OTUD7A: variants seen among roughly 807,000 people sequenced by gnomAD.
OTUD7A encodes the protein OTU domain-containing protein 7A.
Under a neutral mutation model 65.7 loss-of-function variants are expected in OTUD7A, and 12 were observed. The observed-to-expected ratio is 0.18, with a 90% CI of 0.12 to 0.30. The LOEUF is 0.30. Ranked by LOEUF, OTUD7A falls within the 10% of genes least tolerant of loss-of-function variation. The pLI, the probability that OTUD7A is intolerant of heterozygous loss-of-function variation, is 1.00. For synonymous variants in OTUD7A, 641 were observed against 586.3 expected (o/e 1.09, Z -1.35); for missense variants, 1,148 against 1,304.8 (o/e 0.88, Z 1.85).
chr15:31,791,632 G>T (rs1895818781), intron 1 of OTUD7A, among the ~76,000 whole-genome samples: 1 of 152,174 alleles, frequency 6.6e-6, no homozygotes, highest in Non-Finnish European at 1.5e-5. Flanking sequence ...TTTCTATTCA[G>T]CTTTGTGCTG....
intron 1 of OTUD7A, among the ~76,000 whole-genome samples, chr15:31,827,942 A>G (rs1325793559): frequency 1.3e-5 from 2 of 152,104 alleles, no homozygotes; most frequent in Non-Finnish European, 2.9e-5. Flanking sequence ...CTCAAAAAAA[A>G]AACCACATAA....
At chr15:31,835,315 G>T (rs1031229996) in intron 1 of OTUD7A, among the ~76,000 whole-genome samples, 1 of 152,180 alleles carries the variant, frequency 6.6e-6, no homozygotes, top group Non-Finnish European at 1.5e-5. Context: ...TCAAGCATAT[G>T]TTAAACCATT....
chr15:31,798,814 G>C lies in OTUD7A; in HGVS notation c.-100+71693C>G, dbSNP rs116194157. On this transcript the variant is annotated intron_variant, in intron 1 of 12. Transcript: ENST00000307050. Reference sequence around the variant, plus strand: ...GAAGCCAGGGGGAGGCTCAGCTTGGGGGGGGGCTCCTGTCATGGCTGAGGA... The same window carrying C: ...GAAGCCAGGGGGAGGCTCAGCTTGGCGGGGGGCTCCTGTCATGGCTGAGGA... 3.8e-3 allele frequency among the ~76,000 whole-genome samples: 576 copies of C among 152,368 alleles called. 1 individual carries two copies. The highest frequency in any genetic ancestry group is 0.013 in the African/African-American group (525 of 41,584).
At chr15:31,691,617 CTAAAAT>C (rs1395353662) in intron 1 of OTUD7A, among the ~76,000 whole-genome samples, 9 of 143,576 alleles carry the variant, frequency 6.3e-5, no homozygotes, top group Admixed American at 1.4e-4. Context: ...AATATAAGAC[CTAAAAT>C]TATGGAACTA....
At chr15:31,788,114 A>G (rs763224373) in intron 1 of OTUD7A, among the ~76,000 whole-genome samples, 6 of 152,190 alleles carry the variant, frequency 3.9e-5, no homozygotes, top group Admixed American at 6.5e-5. Flanking sequence ...ATTTCTAGGT[A>G]AATTATATTG....
At chr15:31,584,548 G>A (rs998736453) in intron 3 of OTUD7A, among the ~76,000 whole-genome samples, 4 of 152,178 alleles carry the variant, frequency 2.6e-5, no homozygotes, top group Admixed American at 2.0e-4. Context: ...GGATGCCTAC[G>A]TCACCTTAAA....
intron 4 of OTUD7A, among the ~76,000 whole-genome samples, chr15:31,563,712 G>T (rs1359742275): frequency 1.3e-5 from 2 of 152,246 alleles, no homozygotes; most frequent in Admixed American, 6.5e-5. Flanking sequence ...GAGCTTGGCG[G>T]TTACACCAGA....
At chr15:31,817,505 A>G (rs530689764) in intron 1 of OTUD7A, among the ~76,000 whole-genome samples, 1 of 152,332 alleles carries the variant, frequency 6.6e-6, no homozygotes, top group East Asian at 1.9e-4. Flanking sequence ...ATTCTATAGA[A>G]TAAGTATCTC....
chr15:31,689,160 G>T (rs1892908141), intron 1 of OTUD7A, among the ~76,000 whole-genome samples: 1 of 138,772 alleles, frequency 7.2e-6, no homozygotes, highest in South Asian at 2.7e-4. Flanking sequence ...AAAGAATAAT[G>T]CCTATTATTC....
At chr15:31,677,474 T>C (rs1892619371) in intron 1 of OTUD7A, among the ~76,000 whole-genome samples, 1 of 152,114 alleles carries the variant, frequency 6.6e-6, no homozygotes, top group African/African-American at 2.4e-5. Context: ...ATAATCCCCA[T>C]GTGTCAAGGG....
chr15:31,527,390 C>G (rs1566904418), intron 6 of OTUD7A, 82 bp from the exon 7 acceptor site: 1 of 1,527,356 alleles, frequency 6.5e-7, no homozygotes, highest in Non-Finnish European at 8.9e-7. Context: ...ACTACCACGA[C>G]CCACTGGGAG....
intron 5 of OTUD7A, among the ~76,000 whole-genome samples, chr15:31,534,207 T>C (rs1264171743): frequency 6.6e-6 from 1 of 152,126 alleles, no homozygotes; most frequent in African/African-American, 2.4e-5. Context: ...CAGTAACATA[T>C]ACAAAGAACT....
At chr15:31,792,068 C>T (rs1482364387) in intron 1 of OTUD7A, among the ~76,000 whole-genome samples, 2 of 152,126 alleles carry the variant, frequency 1.3e-5, no homozygotes, top group East Asian at 3.9e-4. Context: ...CTTCTCAGCA[C>T]CCACCAAGTT....
At position 31,485,808 on chromosome 15, in the gene OTUD7A, C is replaced by T. The variant is rs76351526; in HGVS notation, c.1372-1084G>A. Among the ~76,000 whole-genome samples, 9 of 152,114 alleles carry T rather than the reference C, an allele frequency of 5.9e-5. No individual in the cohort carries two copies. The East Asian group carries it at 1.7e-3, about 29-fold the overall frequency. The stretch of plus-strand genomic sequence containing the variant: ...TGCTCTCCCACTTAATTTTTGTCCC[C>T]CCCTCAAACCCTTCAAGCAAGTTCA... On this transcript the variant is annotated intron_variant, in intron 12 of 12. Coordinates refer to ENST00000307050, the MANE Select transcript of OTUD7A (RefSeq NM_001382637.1).
At chr15:31,753,704 A>ATTATATATATATATAT (rs1894713574) in intron 1 of OTUD7A, among the ~76,000 whole-genome samples, 1 of 15,316 alleles carries the variant, frequency 6.5e-5, no homozygotes, top group Admixed American at 5.9e-4. Context: ...TATATATATT[A>ATTATATATATATATAT]TATATATATA....
rs117568377 is a variant in OTUD7A at position 31,835,848 on chromosome 15, T to C, written c.-100+34659A>G. Among the ~76,000 whole-genome samples, 15 of 152,072 alleles carry C rather than the reference T, an allele frequency of 9.9e-5. No individual in the cohort carries two copies. The East Asian group carries it at 2.7e-3, about 27-fold the overall frequency. ...CAGACACACACACATGGGTTGAGTATCCCTTATCCAAAATGGCAAAATGCT... is the reference window on the plus strand; with the variant it reads ...CAGACACACACACATGGGTTGAGTACCCCTTATCCAAAATGGCAAAATGCT... On this transcript the variant is annotated intron_variant, in intron 1 of 12. Coordinates refer to ENST00000307050, the MANE Select transcript of OTUD7A (RefSeq NM_001382637.1).
intron 5 of OTUD7A, among the ~76,000 whole-genome samples, chr15:31,551,225 G>C (rs1888313097): frequency 6.6e-6 from 1 of 152,196 alleles, no homozygotes; most frequent in Admixed American, 6.5e-5. Flanking sequence ...TCATGGCCCA[G>C]TGCTATTCTA....
intron 1 of OTUD7A, among the ~76,000 whole-genome samples, chr15:31,850,467 A>G: frequency 6.6e-6 from 1 of 152,128 alleles, no homozygotes; most frequent in Non-Finnish European, 1.5e-5. Flanking sequence ...GTAAATGATG[A>G]GTTAATGGGT....
At chr15:31,818,019 G>A (rs919373488) in intron 1 of OTUD7A, among the ~76,000 whole-genome samples, 2 of 152,160 alleles carry the variant, frequency 1.3e-5, no homozygotes, top group Admixed American at 6.5e-5. Context: ...TCTGCCATGT[G>A]AGGATGTCAC....
Sources: allele counts gnomAD v4.1 joint callset (sites outside exome capture counted in the v4.1 genomes callset), GRCh38; gene constraint gnomAD v4.1.1; transcripts MANE v1.5; gene names NCBI Gene and HGNC (gene_info 2026-07-23, HGNC 2026-07-21).